GALNT13: variants seen among roughly 807,000 people sequenced by gnomAD.
GALNT13 encodes polypeptide N-acetylgalactosaminyltransferase 13.
GALNT13 carries 28 observed loss-of-function variants against 64.2 expected under a neutral mutation model. That is an observed-to-expected ratio of 0.44 (90% CI 0.32 to 0.60). The LOEUF is 0.60. GALNT13 is among the 20% of genes least tolerant of loss of function. The pLI, the probability that GALNT13 is intolerant of heterozygous loss-of-function variation, is 0.05. For missense variants in GALNT13, 577 were observed against 669.8 expected, an observed-to-expected ratio of 0.86 and a Z score of 1.53; for synonymous variants, 214 against 224.6, an observed-to-expected ratio of 0.95 and a Z score of 0.42.
At chr2:153,425,193 GC>G in the GALNT13 span, among the ~76,000 whole-genome samples, 2 of 151,658 alleles carry the variant, frequency 1.3e-5, no homozygotes, top group African/African-American at 4.8e-5. Flanking sequence ...AGCAGGAAGG[GC>G]TTTTGTCTTA....
the GALNT13 span, among the ~76,000 whole-genome samples, chr2:153,507,216 C>T: frequency 2.0e-5 from 3 of 151,464 alleles, no homozygotes; most frequent in East Asian, 3.9e-4. Flanking sequence ...GTTTTTTATT[C>T]GTTATTTCAC....
intron 9 of GALNT13, among the ~76,000 whole-genome samples, chr2:154,323,367 G>A (rs1694724294): frequency 2.0e-5 from 3 of 152,026 alleles, no homozygotes; most frequent in Admixed American, 2.0e-4. Context: ...CCTAAACTTT[G>A]AGTAAAGAGG....
At chr2:153,077,573 G>A in the GALNT13 span, among the ~76,000 whole-genome samples, 1 of 152,136 alleles carries the variant, frequency 6.6e-6, no homozygotes, top group African/African-American at 2.4e-5. Context: ...GTTGTTTGCT[G>A]CTTACGACTA....
intron 3 of GALNT13, 87 bp from the exon 4 acceptor site, chr2:154,140,250 C>A: frequency 1.0e-6 from 1 of 968,998 alleles, no homozygotes. Flanking sequence ...TAATATGCTT[C>A]AGAATCTAAT....
At chr2:153,938,411 G>T (rs900564832) in intron 2 of GALNT13, among the ~76,000 whole-genome samples, 30 of 152,176 alleles carry the variant, frequency 2.0e-4, no homozygotes, top group African/African-American at 7.2e-4. Context: ...TTGTCTGAAA[G>T]ATGGAGATTG....
the GALNT13 span, among the ~76,000 whole-genome samples, chr2:153,271,857 C>G: frequency 6.6e-6 from 1 of 152,180 alleles, no homozygotes; most frequent in Non-Finnish European, 1.5e-5. Flanking sequence ...TGCTACCTGT[C>G]TTCAAACTAT....
At chr2:153,839,569 ATAT>A in the GALNT13 span, among the ~76,000 whole-genome samples, 3 of 151,848 alleles carry the variant, frequency 2.0e-5, no homozygotes, top group African/African-American at 7.2e-5. Context: ...GGAAATGTTA[ATAT>A]TATATATTCC....
At chr2:153,352,695 C>T in the GALNT13 span, among the ~76,000 whole-genome samples, 9 of 152,122 alleles carry the variant, frequency 5.9e-5, no homozygotes, top group South Asian at 1.9e-3. Context: ...TGTTCCAGCA[C>T]CATTTGTTGA....
chr2:153,072,833 C>A, the GALNT13 span, among the ~76,000 whole-genome samples: 2 of 152,174 alleles, frequency 1.3e-5, 1 homozygote, highest in South Asian at 4.1e-4. Context: ...GCAGAATTTA[C>A]TTCTTCCAGG....
chr2:153,737,260 A>G, the GALNT13 span, among the ~76,000 whole-genome samples: 1 of 152,118 alleles, frequency 6.6e-6, no homozygotes, highest in Non-Finnish European at 1.5e-5. Context: ...TCCTTATGAA[A>G]GTGTTATTAT....
At chr2:154,075,404 T>C (rs2105399760) in intron 3 of GALNT13, among the ~76,000 whole-genome samples, 1 of 152,004 alleles carries the variant, frequency 6.6e-6, no homozygotes, top group African/African-American at 2.4e-5. Context: ...AAACCAAGTA[T>C]AGTTGATTTT....
At chr2:153,695,159 G>A in the GALNT13 span, among the ~76,000 whole-genome samples, 15 of 152,124 alleles carry the variant, frequency 9.9e-5, no homozygotes, top group Admixed American at 4.6e-4. Flanking sequence ...AAGCTCAACA[G>A]AGACTCAGTG....
At chr2:153,423,660 A>G in the GALNT13 span, among the ~76,000 whole-genome samples, 2 of 151,886 alleles carry the variant, frequency 1.3e-5, no homozygotes, top group African/African-American at 4.8e-5. Flanking sequence ...CAAAAATATA[A>G]TTTCAAAATA....
intron 9 of GALNT13, among the ~76,000 whole-genome samples, chr2:154,361,776 A>G (rs141215021): frequency 2.2e-4 from 33 of 152,238 alleles, no homozygotes; most frequent in African/African-American, 7.7e-4. Flanking sequence ...TGTCATTCTA[A>G]TAAGCATGAT....
chr2:154,299,828 T>C (rs1693325314), intron 8 of GALNT13, among the ~76,000 whole-genome samples: 1 of 152,082 alleles, frequency 6.6e-6, no homozygotes, highest in African/African-American at 2.4e-5. Context: ...GTTTCTATTC[T>C]TCTCGTATAT....
the GALNT13 span, among the ~76,000 whole-genome samples, chr2:153,221,708 C>T: frequency 6.6e-6 from 1 of 152,018 alleles, no homozygotes; most frequent in Non-Finnish European, 1.5e-5. Flanking sequence ...TGTGTGGGGC[C>T]AGCGAGAATG....
At chr2:153,853,189 T>C in the GALNT13 span, among the ~76,000 whole-genome samples, 1 of 152,306 alleles carries the variant, frequency 6.6e-6, no homozygotes, top group South Asian at 2.1e-4. Context: ...TCCTTCCATG[T>C]TCTTCTGCCT....
chr2:153,600,590 A>G, the GALNT13 span, among the ~76,000 whole-genome samples: 1 of 151,958 alleles, frequency 6.6e-6, no homozygotes, highest in African/African-American at 2.4e-5. Flanking sequence ...CTTCGTTTCT[A>G]TGAGATCCTA....
the GALNT13 span, among the ~76,000 whole-genome samples, chr2:153,135,052 AT>A: frequency 7.9e-5 from 12 of 152,068 alleles, no homozygotes; most frequent in Admixed American, 7.9e-4. Context: ...AGCAACAGAA[AT>A]TCATTCTCCT....
Sources: allele counts gnomAD v4.1 joint callset (sites outside exome capture counted in the v4.1 genomes callset), GRCh38; gene constraint gnomAD v4.1.1; transcripts MANE v1.5; gene names NCBI Gene and HGNC (gene_info 2026-07-23, HGNC 2026-07-21).